Variants in ZNF618 observed in about 807,000 individuals in gnomAD.
ZNF618 encodes zinc finger protein 618.
A neutral mutation model predicts 103.0 loss-of-function variants in ZNF618; 34 were observed. The observed-to-expected ratio is 0.33, with a 90% CI of 0.25 to 0.44. The LOEUF (loss-of-function observed/expected upper bound fraction) is 0.44. Ranked by LOEUF, ZNF618 falls within the 20% of genes least tolerant of loss-of-function variation. The pLI is 1.00. For missense variants in ZNF618, 1,059 were observed against 1,295.4 expected, an observed-to-expected ratio of 0.82 and a Z score of 2.80; for synonymous variants, 551 against 542.2, an observed-to-expected ratio of 1.02 and a Z score of -0.23.
chr9:113,905,169 A>G (rs1235973187), intron 1 of ZNF618, among the ~76,000 whole-genome samples: 1 of 152,060 alleles, frequency 6.6e-6, no homozygotes, highest in African/African-American at 2.4e-5. Flanking sequence ...TCCTGGTTCA[A>G]GCGATTCTTG....
At position 113,950,825 on chromosome 9, in the gene ZNF618, G is replaced by A. The variant is rs113725512; in HGVS notation, c.34-18292G>A. Among the ~76,000 whole-genome samples, 1,060 of 152,138 alleles carry A rather than the reference G, an allele frequency of 7.0e-3. 14 individuals carry two copies. The highest frequency in any genetic ancestry group is 0.024 in the African/African-American group (991 of 41,484). On this transcript the variant is annotated intron_variant, in intron 1 of 14. Coordinates refer to ENST00000374126, the MANE Select transcript of ZNF618 (RefSeq NM_001318042.2). ...ATTCGAGAGGTTCCCTGGTGGAAGG[G>A]ATGTCTAGGATGAGAGTTAAAAGAT...
chr9:114,017,015 G>T (rs1842701765), intron 10 of ZNF618: 1 of 549,332 alleles, frequency 1.8e-6, no homozygotes, highest in South Asian at 2.3e-5. Flanking sequence ...TCCCTTAGTG[G>T]ACTCAGAGTC....
intron 1 of ZNF618, among the ~76,000 whole-genome samples, chr9:113,930,743 G>C (rs1317901286): frequency 6.6e-6 from 1 of 152,196 alleles, no homozygotes; most frequent in Non-Finnish European, 1.5e-5. Flanking sequence ...TCTTTCTTTT[G>C]AATCAATGGC....
rs538746318 is a variant in ZNF618 at position 113,995,691 on chromosome 9, A to T, written c.338-2568A>T. Among the ~76,000 whole-genome samples the T allele has an allele frequency of 1.2e-4, 18 of 152,236 alleles. No individual in the cohort carries two copies. The South Asian group carries it at 3.3e-3, about 28-fold the overall frequency. On this transcript the variant is annotated intron_variant, in intron 3 of 14. Coordinates refer to ENST00000374126, the MANE Select transcript of ZNF618 (RefSeq NM_001318042.2). ...TAATGGTCTCTTCGCTGACAACTCC[A>T]TTATATCCTCCTCTAATTTTGTTGA...
chr9:114,005,436 G>A (rs775514447), intron 6 of ZNF618, among the ~76,000 whole-genome samples: 3 of 152,226 alleles, frequency 2.0e-5, no homozygotes, highest in Non-Finnish European at 4.4e-5. Flanking sequence ...TCAGAGCAGG[G>A]TGGGGGTATT....
chr9:113,995,869 A>T (rs1840539265), intron 3 of ZNF618, among the ~76,000 whole-genome samples: 1 of 152,044 alleles, frequency 6.6e-6, no homozygotes, highest in Non-Finnish European at 1.5e-5. Context: ...CCGTGGTAGG[A>T]TTAGGGGTGG....
intron 10 of ZNF618, among the ~76,000 whole-genome samples, chr9:114,023,396 C>T (rs1843234960): frequency 6.6e-6 from 1 of 152,072 alleles, no homozygotes; most frequent in African/African-American, 2.4e-5. Flanking sequence ...CAATGGCATA[C>T]TTCCCATTTA....
At chr9:114,035,565 C>G (rs1016124348) in intron 12 of ZNF618, among the ~76,000 whole-genome samples, 10 of 152,178 alleles carry the variant, frequency 6.6e-5, no homozygotes, top group Non-Finnish European at 1.5e-4. Context: ...TTCTTCTTTT[C>G]CTTGCTCTTC....
intron 1 of ZNF618, among the ~76,000 whole-genome samples, chr9:113,895,216 A>C (rs902429197): frequency 5.9e-5 from 9 of 152,132 alleles, no homozygotes; most frequent in African/African-American, 2.2e-4. Context: ...TTCTTTTGCA[A>C]TGGAGGTTGA....
intron 1 of ZNF618, among the ~76,000 whole-genome samples, chr9:113,967,493 T>C (rs1321612889): frequency 2.6e-5 from 4 of 152,214 alleles, no homozygotes; most frequent in Non-Finnish European, 4.4e-5. Flanking sequence ...CAGGAGCTGT[T>C]TGATGTCACC....
At chr9:113,992,623 A>G (rs1840183918) in intron 3 of ZNF618, among the ~76,000 whole-genome samples, 1 of 151,538 alleles carries the variant, frequency 6.6e-6, no homozygotes, top group South Asian at 2.1e-4. Context: ...GGGCTCAGAG[A>G]CGGGCTCTGT....
rs1330686164 is a variant in ZNF618 at position 113,955,146 on chromosome 9, C to CTCTTT, written c.34-13970_34-13969insCTTTT. The stretch of plus-strand genomic sequence containing the variant: ...ATTTAAAGGGCCTAGAGTGACTTCT[C>CTCTTT]TTTTTTTTTTTTTTTTGTCTATCCT... On this transcript the variant is annotated intron_variant, in intron 1 of 14. Coordinates refer to ENST00000374126, the MANE Select transcript of ZNF618 (RefSeq NM_001318042.2). Among the ~76,000 whole-genome samples the CTCTTT allele has an allele frequency of 6.8e-3, 885 of 130,546 alleles. 15 individuals carry two copies. Among genetic ancestry groups the CTCTTT allele is most frequent in the African/African-American group, 0.023 (831 of 35,794 alleles). 85.6% of individuals were successfully genotyped at this position (130,546 alleles called of 152,430 possible).
intron 2 of ZNF618, among the ~76,000 whole-genome samples, chr9:113,980,500 G>T (rs150533414): frequency 6.6e-6 from 1 of 152,204 alleles, no homozygotes; most frequent in Non-Finnish European, 1.5e-5. Context: ...TGGGAAGACC[G>T]CTTGAGCCCA....
chr9:114,039,399 T>G (rs1844928116), intron 13 of ZNF618, among the ~76,000 whole-genome samples: 1 of 147,084 alleles, frequency 6.8e-6, no homozygotes, highest in African/African-American at 2.5e-5. Flanking sequence ...CAGGCTGGAG[T>G]GCAGTGGCAC....
intron 1 of ZNF618, among the ~76,000 whole-genome samples, chr9:113,968,460 T>TCAGCCTCTGC (rs1449483461): frequency 6.6e-6 from 1 of 152,190 alleles, no homozygotes; most frequent in Non-Finnish European, 1.5e-5. Flanking sequence ...GCAACCTCTG[T>TCAGCCTCTGC]CAGCCTCTGC....
intron 1 of ZNF618, among the ~76,000 whole-genome samples, chr9:113,954,849 C>G (rs1363439393): frequency 6.6e-6 from 1 of 152,148 alleles, no homozygotes; most frequent in Non-Finnish European, 1.5e-5. Context: ...TTCTTCTCAC[C>G]CATTCTCTCC....
rs755906922 is a variant in ZNF618, at chr9:114,029,072, G to C, written c.1084+100G>C. 4.7e-4 allele frequency: 690 copies of C among 1,461,950 alleles called. 1 individual carries two copies. Among genetic ancestry groups the C allele is most frequent in the Non-Finnish European group, 6.2e-4 (683 of 1,098,762 alleles). The allele number at this position is 1,461,950 out of a possible 1,614,324, so 90.6% of individuals were successfully genotyped here. On this transcript the variant is annotated intron_variant, in intron 11 of 14. Transcript: ENST00000374126. ...GGTTGTTGTTGCCTTGCAAGAGCAA[G>C]AGTGGCAGTCCCGTAGTGATCTGGG...
At chr9:113,882,863 ACTT>A (rs1009544406) in intron 1 of ZNF618, among the ~76,000 whole-genome samples, 30 of 151,920 alleles carry the variant, frequency 2.0e-4, no homozygotes, top group African/African-American at 4.8e-4. Flanking sequence ...GATCAGCTGC[ACTT>A]CTTCTTCTGT....
chr9:114,023,196 G>A (rs1343270645), intron 10 of ZNF618, among the ~76,000 whole-genome samples: 2 of 151,648 alleles, frequency 1.3e-5, no homozygotes, highest in Non-Finnish European at 2.9e-5. Flanking sequence ...ATTTGTTCTT[G>A]TTCATCTTTT....
Sources: allele counts gnomAD v4.1 joint callset (sites outside exome capture counted in the v4.1 genomes callset), GRCh38; gene constraint gnomAD v4.1.1; transcripts MANE v1.5; gene names NCBI Gene and HGNC (gene_info 2026-07-23, HGNC 2026-07-21).